Variants in RPL26L1 observed in about 807,000 individuals in gnomAD.
RPL26L1 encodes ribosomal protein uL24-like.
In RPL26L1, 8 loss-of-function variants were observed where a neutral mutation model predicts 15.2. The ratio of observed to expected loss-of-function variants is 0.53; its 90% CI spans 0.31 to 0.95. The LOEUF is 0.95. Among genes scored for constraint, RPL26L1 ranks in the 40% least tolerant of loss-of-function variants. The pLI, the probability that RPL26L1 is intolerant of heterozygous loss-of-function variation, is 0.05. For missense variants in RPL26L1, 146 were observed against 190.9 expected (o/e 0.76, Z 1.39); for synonymous variants, 51 against 65.9 (o/e 0.77, Z 1.09).
intron 1 of RPL26L1, 184 bp downstream of exon 1, chr5:172,959,652 C>G: frequency 8.3e-7 from 1 of 1,207,590 alleles, no homozygotes; most frequent in Non-Finnish European, 1.1e-6. Context: ...CTCTCCCCCA[C>G]GACCCCTTTA....
upstream of RPL26L1, chr5:172,954,975 C>A (rs200987651): frequency 7.5e-4 from 339 of 449,240 alleles, 1 homozygote; most frequent in African/African-American, 6.5e-3. Context: ...TGGGAAGTTG[C>A]GGAAGAGGCG....
Position 172,968,541 on chromosome 5 carries a change from G to A in RPL26L1, c.251G>A (p.Arg84Gln), listed in dbSNP as rs375645667. The A allele has an allele frequency of 2.5e-5, 40 of 1,613,974 alleles. No individual in the cohort carries two copies. Among genetic ancestry groups the A allele is most frequent in the African/African-American group, 4.0e-5 (3 of 74,896 alleles). ...AAGAAATATGTCATCTACATCGAGC[G>A]GGTGCAGCGTGAGAAGGCCAACGGC... ...YRKKYVIYIE[R>Q]VQREKANGTT... Residue 84 changes from arginine to glutamine, a missense_variant, in exon 3 of 4, where the codon CGG becomes CAG. Arg to Gln is a conservative substitution (Grantham distance 43). Transcript: ENST00000265100.
At position 172,968,652 on chromosome 5, in the gene RPL26L1, T is replaced by C. The variant is rs1158101192; in HGVS notation, c.309+53T>C. 3.1e-6 allele frequency: 5 copies of C among 1,609,958 alleles called. No homozygotes were observed. The African/African-American group carries it at 5.3e-5, about 17-fold the overall frequency. Reference sequence around the variant, plus strand: ...CAGCCATGGAGTGTGTCAATACTGTTCAAAGTTATTGGTGTTTTGGTACTC... The same window carrying C: ...CAGCCATGGAGTGTGTCAATACTGTCCAAAGTTATTGGTGTTTTGGTACTC... On this transcript the variant is annotated intron_variant, in intron 3 of 3. Transcript: ENST00000265100.
rs1368196166 is a variant in RPL26L1 at position 172,959,922 on chromosome 5, C to T, written c.49C>T (p.Arg17Cys). The T allele has an allele frequency of 6.2e-7, 1 of 1,614,166 alleles. No individual in the cohort carries two copies. The highest frequency in any genetic ancestry group is 1.7e-5 in the Admixed American group (1 of 60,024). ...CTCGGACCGCAGTAAAAACCGCAAACGTCACTTCAATGCCCCCTCACACGT... is the reference window on the plus strand; with the variant it reads ...CTCGGACCGCAGTAAAAACCGCAAATGTCACTTCAATGCCCCCTCACACGT... ...VTSDRSKNRK[R>C]HFNAPSHVRR... is the part of the protein sequence containing the mutation. The change falls in exon 2 of 4, where the codon CGT (arginine) becomes TGT (cysteine). Residue 17 changes from arginine (R) to cysteine (C), a missense_variant. Physicochemically the swap from Arg to Cys is radical, Grantham distance 180 (BLOSUM62 -3). Transcript: ENST00000265100.
chr5:172,961,339 G>A (rs775300719), intron 2 of RPL26L1, among the ~76,000 whole-genome samples: 6 of 152,186 alleles, frequency 3.9e-5, no homozygotes, highest in Admixed American at 1.3e-4. Flanking sequence ...TAGGGGATAG[G>A]TAGGGATAGA....
At chr5:172,962,585 T>G (rs1437048014) in intron 2 of RPL26L1, among the ~76,000 whole-genome samples, 1 of 151,292 alleles carries the variant, frequency 6.6e-6, no homozygotes, top group Non-Finnish European at 1.5e-5. Flanking sequence ...TGGGAGGCTG[T>G]GGCAGGCAGA....
At chr5:172,964,960 G>A (rs1251541432) in intron 2 of RPL26L1, among the ~76,000 whole-genome samples, 3 of 152,204 alleles carry the variant, frequency 2.0e-5, no homozygotes, top group Non-Finnish European at 2.9e-5. Flanking sequence ...AAGACAGGTG[G>A]ATCGCTTGAG....
chr5:172,959,399 C>T, upstream of RPL26L1: 1 of 1,006,166 alleles, frequency 9.9e-7, no homozygotes, highest in African/African-American at 1.7e-5. Flanking sequence ...CGATGTCTTT[C>T]TGCGCTTGCG....
At chr5:172,958,444 T>C (rs2113517696), upstream of RPL26L1, 1 of 456,220 alleles carries the variant, frequency 2.2e-6, no homozygotes, top group Non-Finnish European at 4.4e-6. Flanking sequence ...TGGCACTAAG[T>C]TGTCGTTCAA....
rs758707479 is a variant in RPL26L1 at position 172,959,897 on chromosome 5, C to G, written c.24C>G (p.Thr8=). The G allele has an allele frequency of 6.2e-7, 1 of 1,614,022 alleles. No individual in the cohort carries two copies. Among genetic ancestry groups the G allele is most frequent in the African/African-American group, 1.3e-5 (1 of 74,914 alleles). Residue 8 remains threonine (T), a synonymous_variant, in exon 2 of 4, where the codon ACC becomes ACG. Transcript: ENST00000265100. MKFNPFV[T]SDRSKNRKRH... ...CCATGAAGTTCAATCCCTTCGTTACCTCGGACCGCAGTAAAAACCGCAAAC... is the reference window on the plus strand; with the variant it reads ...CCATGAAGTTCAATCCCTTCGTTACGTCGGACCGCAGTAAAAACCGCAAAC...
chr5:172,961,304 A>T (rs777317161), intron 2 of RPL26L1, among the ~76,000 whole-genome samples: 5 of 152,198 alleles, frequency 3.3e-5, no homozygotes, highest in Admixed American at 6.5e-5. Flanking sequence ...GACATGTTCT[A>T]GAATGGGGGA....
intron 2 of RPL26L1, 143 bp downstream of exon 2, chr5:172,960,184 A>C: frequency 1.1e-6 from 1 of 912,056 alleles, no homozygotes; most frequent in Non-Finnish European, 1.7e-6. Flanking sequence ...TAGGGTTCAG[A>C]GCCACCAGAG....
At position 172,968,708 on chromosome 5, in the gene RPL26L1, G is replaced by A. The variant is rs190050689; in HGVS notation, c.309+109G>A. On this transcript the variant is annotated intron_variant, in intron 3 of 3. Coordinates refer to ENST00000265100, the MANE Select transcript of RPL26L1 (RefSeq NM_016093.4). ...ACAGTTGGCTGAGGCAGGCCAGGTG[G>A]ACTTGATTGATTCAGTAGCTTTGTG... 3.5e-3 allele frequency: 4,187 copies of A among 1,193,574 alleles called. 13 individuals are homozygous for A. Among genetic ancestry groups the A allele is most frequent in the Admixed American group, 9.0e-3 (460 of 51,346 alleles). The allele number at this position is 1,193,574 out of a possible 1,614,324, so 73.9% of individuals were successfully genotyped here.
chr5:172,958,329 T>C (rs1755055543), upstream of RPL26L1: 2 of 454,516 alleles, frequency 4.4e-6, no homozygotes, highest in South Asian at 1.5e-5. Context: ...CACCACTACA[T>C]GTCAGGGAAC....
chr5:172,957,429 C>A (rs1032955206), upstream of RPL26L1: 4 of 363,234 alleles, frequency 1.1e-5, no homozygotes, highest in Non-Finnish European at 2.2e-5. Flanking sequence ...CTTTCCTTCA[C>A]CAGTGAGGCT....
upstream of RPL26L1, chr5:172,955,910 A>G (rs988934993): frequency 1.3e-5 from 2 of 152,228 alleles, no homozygotes; most frequent in South Asian, 4.1e-4. Context: ...ATTACGAAGA[A>G]TTACATGGTT....
At chr5:172,958,814 C>A (rs1198598120), upstream of RPL26L1, 21 of 55,740 alleles carry the variant, frequency 3.8e-4, no homozygotes, top group African/African-American at 8.2e-4. Flanking sequence ...GGGCGCGGAG[C>A]GGCCGGAGTG....
At chr5:172,958,424 T>C (rs1228458708), upstream of RPL26L1, 5 of 456,188 alleles carry the variant, frequency 1.1e-5, no homozygotes, top group African/African-American at 2.0e-5. Context: ...AGTTTCAGCA[T>C]GCCGGCATTT....
upstream of RPL26L1, chr5:172,958,264 CAAAAAAA>C (rs5873347): frequency 3.5e-5 from 10 of 287,450 alleles, no homozygotes; most frequent in Middle Eastern, 3.6e-3. Context: ...AACTCTATCT[CAAAAAAA>C]AAAAAAAAAA....
Sources: gnomAD v4.1 joint callset for allele counts (sites outside exome capture counted in the v4.1 genomes callset) on GRCh38, gnomAD v4.1.1 for gene constraint, MANE v1.5 for transcripts, NCBI Gene and HGNC (gene_info 2026-07-23, HGNC 2026-07-21) for gene names.